MAP2: variants seen among roughly 807,000 people sequenced by gnomAD.
The protein encoded by MAP2 is microtubule associated protein 2.
In MAP2, 14 loss-of-function variants were observed where a neutral mutation model predicts 137.6. The ratio of observed to expected loss-of-function variants is 0.10; its 90% CI spans 0.07 to 0.16. MAP2 has a LOEUF of 0.16. Among genes scored for constraint, MAP2 ranks in the 10% least tolerant of loss-of-function variants. MAP2 has a pLI of 1.00. For synonymous variants in MAP2, 786 were observed against 782.3 expected (o/e 1.00, Z -0.08); for missense variants, 2,088 against 2,191.5 (o/e 0.95, Z 0.94).
In MAP2 at chr2:209,729,916, G is replaced by A. The variant is rs2075444764; in HGVS notation, c.5222G>A (p.Gly1741Asp). ...DFKEKAQAKVGSLDNAHHVPG... is the reference protein window; with the variant it reads ...DFKEKAQAKVDSLDNAHHVPG... ...AAAGAAAAGGCCCAAGCTAAAGTTG[G>A]TTCTCTTGATAATGCTCATCATGTA... The change falls in exon 15 of 16, where the codon GGT (glycine) becomes GAT (aspartate). Residue 1741 changes from glycine to aspartate, a missense_variant. Gly to Asp is a moderately conservative substitution (Grantham distance 94). Transcript: ENST00000682079. The A allele has an allele frequency of 6.2e-7, 1 of 1,613,868 alleles. No homozygotes were observed. Among genetic ancestry groups the A allele is most frequent in the Non-Finnish European group, 8.5e-7 (1 of 1,179,794 alleles).
intron 2 of MAP2, among the ~76,000 whole-genome samples, chr2:209,544,744 T>G (rs2067706385): frequency 1.3e-5 from 2 of 152,222 alleles, no homozygotes; most frequent in South Asian, 4.1e-4. Flanking sequence ...CCCATCCATT[T>G]CTTCAAAATA....
chr2:209,639,535 A>G (rs1319462477), intron 4 of MAP2, among the ~76,000 whole-genome samples: 3 of 152,040 alleles, frequency 2.0e-5, no homozygotes, highest in African/African-American at 7.2e-5. Flanking sequence ...TCTTCTTCCA[A>G]TTTACTTTCC....
chr2:209,597,752 G>T (rs369737604), intron 3 of MAP2, among the ~76,000 whole-genome samples: 16 of 151,452 alleles, frequency 1.1e-4, no homozygotes, highest in African/African-American at 2.9e-4. Flanking sequence ...TTTTGTTTTC[G>T]TTTTTTGGCC....
At chr2:209,510,214 T>A (rs1307223811) in intron 2 of MAP2, among the ~76,000 whole-genome samples, 3 of 152,006 alleles carry the variant, frequency 2.0e-5, no homozygotes, top group Non-Finnish European at 2.9e-5. Flanking sequence ...TCCTCCAGTT[T>A]TTTTTGTGGT....
At chr2:209,670,663 G>A (rs747259692) in intron 5 of MAP2, among the ~76,000 whole-genome samples, 2 of 151,728 alleles carry the variant, frequency 1.3e-5, no homozygotes, top group Non-Finnish European at 2.9e-5. Context: ...CATGTACGTG[G>A]AGGTAGAGGA....
At chr2:209,641,398 G>A (rs2094010250) in intron 4 of MAP2, among the ~76,000 whole-genome samples, 1 of 151,862 alleles carries the variant, frequency 6.6e-6, no homozygotes, top group African/African-American at 2.4e-5. Context: ...TTAAATGTAT[G>A]CTTATGTAAG....
At chr2:209,435,152 C>T (rs1470151318) in intron 1 of MAP2, among the ~76,000 whole-genome samples, 4 of 150,994 alleles carry the variant, frequency 2.6e-5, no homozygotes, top group Non-Finnish European at 4.4e-5. Flanking sequence ...ATAGACAACC[C>T]TGCTTGTGCT....
chr2:209,725,812 G>A, intron 14 of MAP2, 22 bp downstream of exon 14: 3 of 1,513,436 alleles, frequency 2.0e-6, no homozygotes, highest in Non-Finnish European at 2.7e-6. Context: ...ATTTTTAGTA[G>A]TTTGAGAAAT....
chr2:209,488,230 G>T (rs554251695), intron 1 of MAP2, among the ~76,000 whole-genome samples: 1 of 152,198 alleles, frequency 6.6e-6, no homozygotes, highest in Non-Finnish European at 1.5e-5. Context: ...GGACTGTGCC[G>T]TGAGAGACGG....
intron 5 of MAP2, among the ~76,000 whole-genome samples, chr2:209,659,622 AAG>A (rs1225165841): frequency 6.6e-6 from 1 of 152,218 alleles, no homozygotes; most frequent in Non-Finnish European, 1.5e-5. Flanking sequence ...AGTAGACAAA[AAG>A]GGGAGGCAAT....
chr2:209,660,073 C>T lies in MAP2; in HGVS notation c.262+6641C>T, dbSNP rs547971621. Among the ~76,000 whole-genome samples, 3 of 152,076 alleles carry T rather than the reference C, an allele frequency of 2.0e-5. No homozygotes were observed. The South Asian group carries it at 6.2e-4, about 32-fold the overall frequency. The stretch of plus-strand genomic sequence containing the variant: ...TGCTGGTCACAGTAGAAAGTGCCTA[C>T]GTGACGATCAAAGGCCAGTATCAGC... On this transcript the variant is annotated intron_variant, in intron 5 of 15. Coordinates refer to ENST00000682079, the MANE Select transcript of MAP2 (RefSeq NM_001375505.1).
At chr2:209,704,902 A>T (rs910506230) in intron 11 of MAP2, among the ~76,000 whole-genome samples, 1 of 150,804 alleles carries the variant, frequency 6.6e-6, no homozygotes, top group East Asian at 1.9e-4. Context: ...CTAACAAAAC[A>T]AAATATATTC....
At position 209,467,447 on chromosome 2, in the gene MAP2, G is replaced by T. The variant is rs77809944; in HGVS notation, c.-221-40145G>T. Among the ~76,000 whole-genome samples, 40 of 152,130 alleles carry T rather than the reference G, an allele frequency of 2.6e-4. No individual in the cohort carries two copies. The East Asian group carries it at 7.0e-3, about 26-fold the overall frequency. On this transcript the variant is annotated intron_variant, in intron 1 of 15. Transcript: ENST00000682079. ...GGACTACTTAAAATATACTTTTTTA[G>T]ATTTGTCTCTTCCTACTACTCCCAT...
In MAP2 at chr2:209,731,406, T is replaced by G. The variant is rs2075756783; in HGVS notation, c.*1009T>G. ...AACAACTCAAAGCCGTAACCCTGTT[T>G]TAGTGCCAGATACAAGTCTCTCCCG... On this transcript the variant is annotated 3_prime_UTR_variant, in exon 16 of 16. Coordinates refer to ENST00000682079, the MANE Select transcript of MAP2 (RefSeq NM_001375505.1). 6.6e-6 allele frequency: 1 copy of G among 152,552 alleles called. No homozygotes were observed. The highest frequency in any genetic ancestry group is 6.6e-5 in the Admixed American group (1 of 15,264). The allele number at this position is 152,552 out of a possible 1,614,324, so 9.4% of individuals were successfully genotyped here. A position where few individuals can be genotyped will look rare whatever the true frequency, so the allele number is the denominator to read the frequency against.
chr2:209,574,489 A>G (rs2074989938), intron 2 of MAP2, among the ~76,000 whole-genome samples: 1 of 151,814 alleles, frequency 6.6e-6, no homozygotes, highest in Admixed American at 6.6e-5. Context: ...TTCTTTATCC[A>G]TTCATCCATC....
In MAP2 at chr2:209,693,641, A is replaced by C; in HGVS notation, c.1471A>C (p.Thr491Pro). The C allele has an allele frequency of 6.2e-7, 1 of 1,613,916 alleles. No individual in the cohort carries two copies. The highest frequency in any genetic ancestry group is 8.5e-7 in the Non-Finnish European group (1 of 1,179,984). The change falls in exon 8 of 16, where the codon ACA becomes CCA. Residue 491 changes from threonine to proline, a missense_variant. By Grantham distance (38) the Thr-to-Pro change is conservative (BLOSUM62 -1). Coordinates refer to ENST00000682079, the MANE Select transcript of MAP2 (RefSeq NM_001375505.1). Reference sequence around the variant, plus strand: ...AGAACAGAAAGACCAAGAGCCTACCACAGATATGTTGAAACAGGACTCGTT... The same window carrying C: ...AGAACAGAAAGACCAAGAGCCTACCCCAGATATGTTGAAACAGGACTCGTT... ...FSEQKDQEPT[T>P]DMLKQDSFPV...
chr2:209,572,795 A>G (rs1183783010), intron 2 of MAP2, among the ~76,000 whole-genome samples: 1 of 152,196 alleles, frequency 6.6e-6, no homozygotes, highest in African/African-American at 2.4e-5. Flanking sequence ...TTGATGGTGT[A>G]TAGTTAATAC....
intron 1 of MAP2, among the ~76,000 whole-genome samples, chr2:209,443,176 T>C (rs1196733988): frequency 6.6e-6 from 1 of 151,490 alleles, no homozygotes; most frequent in Non-Finnish European, 1.5e-5. Flanking sequence ...CAATCTACTA[T>C]AGTCTCCACA....
chr2:209,720,261 C>A (rs2069752870), intron 13 of MAP2, among the ~76,000 whole-genome samples: 1 of 151,944 alleles, frequency 6.6e-6, no homozygotes, highest in African/African-American at 2.4e-5. Context: ...ATATTTTTCA[C>A]TTCTACTATG....
Sources: allele counts gnomAD v4.1 joint callset (sites outside exome capture counted in the v4.1 genomes callset), GRCh38; gene constraint gnomAD v4.1.1; transcripts MANE v1.5; gene names NCBI Gene and HGNC (gene_info 2026-07-23, HGNC 2026-07-21).